FRZB: variants seen among roughly 807,000 people sequenced by gnomAD.
The protein encoded by FRZB is secreted frizzled-related protein 3.
FRZB carries 34 observed loss-of-function variants against 32.5 expected under a neutral mutation model. The observed-to-expected ratio is 1.05, with a 90% confidence interval of 0.80 to 1.39. FRZB has a LOEUF of 1.39. FRZB is among the 40% of genes most tolerant of loss of function. The probability of loss-of-function intolerance (pLI) is 0.00; values close to 1 mark genes in which losing one functional copy is unlikely to be tolerated. For missense variants in FRZB, 423 were observed against 424.8 expected (o/e 1.00, Z 0.04); for synonymous variants, 170 against 159.2 (o/e 1.07, Z -0.51).
intron 2 of FRZB, among the ~76,000 whole-genome samples, chr2:182,846,335 T>C (rs1195739026): frequency 2.0e-5 from 3 of 152,188 alleles, no homozygotes; most frequent in Admixed American, 2.0e-4. Context: ...TCCAGAGGTG[T>C]AAGACTATAA....
At chr2:182,849,196 C>A (rs1695682621) in intron 2 of FRZB, among the ~76,000 whole-genome samples, 1 of 151,702 alleles carries the variant, frequency 6.6e-6, no homozygotes, top group Non-Finnish European at 1.5e-5. Flanking sequence ...CACTGCACTC[C>A]AGCCTGGGCG....
At chr2:182,847,027 C>A (rs1695650966) in intron 2 of FRZB, among the ~76,000 whole-genome samples, 1 of 152,150 alleles carries the variant, frequency 6.6e-6, no homozygotes, top group South Asian at 2.1e-4. Flanking sequence ...TTCATTCATT[C>A]TGCAAATATT....
chr2:182,849,631 T>C (rs1268556530), intron 2 of FRZB, among the ~76,000 whole-genome samples: 1 of 152,188 alleles, frequency 6.6e-6, no homozygotes, highest in Non-Finnish European at 1.5e-5. Context: ...AAAAGTAACA[T>C]TTGCTCAACT....
chr2:182,849,211 A>T (rs1695683081), intron 2 of FRZB, among the ~76,000 whole-genome samples: 1 of 151,688 alleles, frequency 6.6e-6, no homozygotes, highest in African/African-American at 2.4e-5. Context: ...TGGGCGACAG[A>T]GCAAGACTCC....
At chr2:182,844,452 A>G (rs1695618197) in intron 2 of FRZB, among the ~76,000 whole-genome samples, 1 of 152,202 alleles carries the variant, frequency 6.6e-6, no homozygotes, top group Non-Finnish European at 1.5e-5. Flanking sequence ...CTGAAGACGT[A>G]AATTTTATGG....
At chr2:182,838,326 G>C (rs535275347) in intron 4 of FRZB, 83 bp downstream of exon 4, 3 of 1,147,384 alleles carry the variant, frequency 2.6e-6, no homozygotes, top group East Asian at 4.7e-5. Flanking sequence ...ATGTAAAAAT[G>C]CGAGGGTAGC....
chr2:182,837,071 C>T (rs1437260822), intron 5 of FRZB, among the ~76,000 whole-genome samples: 1 of 151,716 alleles, frequency 6.6e-6, no homozygotes, highest in Non-Finnish European at 1.5e-5. Context: ...GGTACAGTTC[C>T]CACTCCCCCC....
At chr2:182,840,813 A>T (rs1175885519) in intron 3 of FRZB, among the ~76,000 whole-genome samples, 2 of 152,094 alleles carry the variant, frequency 1.3e-5, no homozygotes, top group Non-Finnish European at 2.9e-5. Context: ...TTTCTCTAAG[A>T]CCTTCACTTT....
Position 182,866,004 on chromosome 2 carries a change from G to C in FRZB, c.478+71C>G, listed in dbSNP as rs991248617. The C allele has an allele frequency of 8.3e-6, 10 of 1,200,494 alleles. No homozygotes were observed. In the African/African-American group the frequency reaches 1.4e-4, roughly 16 times the overall value. 74.4% of individuals were successfully genotyped at this position (1,200,494 alleles called of 1,614,324 possible). ...AAGAGAAAAAAATTAGAGAGTAAAG[G>C]CTAGTAACAAGGACTCCAAGAATTG... On this transcript the variant is annotated intron_variant, in intron 1 of 5. Transcript: ENST00000295113. This position sits in a 1 kb window ranked among gnomAD's most constrained non-coding sequence, Gnocchi z 4.5.
intron 2 of FRZB, among the ~76,000 whole-genome samples, chr2:182,855,906 G>C (rs889002108): frequency 6.6e-6 from 1 of 151,950 alleles, no homozygotes; most frequent in African/African-American, 2.4e-5. Flanking sequence ...AAAGAAAACT[G>C]ATGTATTACT....
chr2:182,835,271 G>C (rs1695511290), intron 5 of FRZB, among the ~76,000 whole-genome samples: 1 of 151,990 alleles, frequency 6.6e-6, no homozygotes, highest in Non-Finnish European at 1.5e-5. Flanking sequence ...GGTATTTCCT[G>C]AGGTAACATA....
chr2:182,837,780 A>C (rs529050657), intron 5 of FRZB, among the ~76,000 whole-genome samples, 168 bp downstream of exon 5: 191 of 152,154 alleles, frequency 1.3e-3, no homozygotes, highest in African/African-American at 4.4e-3. Flanking sequence ...TAAATAAAAT[A>C]GACATTAAAG....
chr2:182,858,397 C>A (rs1436966011), intron 2 of FRZB, among the ~76,000 whole-genome samples: 4 of 151,980 alleles, frequency 2.6e-5, no homozygotes, highest in Non-Finnish European at 5.9e-5. Context: ...TATGGACAAT[C>A]GAACCTCAAA....
chr2:182,850,700 A>G (rs1695700738), intron 2 of FRZB, among the ~76,000 whole-genome samples: 1 of 152,226 alleles, frequency 6.6e-6, no homozygotes, highest in Non-Finnish European at 1.5e-5. Flanking sequence ...GAATACAGAT[A>G]TTCTTCAATG....
intron 2 of FRZB, 99 bp from the exon 3 acceptor site, chr2:182,842,642 T>C (rs1423850438): frequency 7.1e-6 from 6 of 840,118 alleles, no homozygotes; most frequent in Non-Finnish European, 1.2e-5. Context: ...CTCAATTTGG[T>C]GGTGAGAAGG....
intron 1 of FRZB, among the ~76,000 whole-genome samples, chr2:182,865,491 C>T (rs769971925): frequency 1.3e-5 from 2 of 152,184 alleles, no homozygotes; most frequent in Admixed American, 6.5e-5. Context: ...AAGGTAATTG[C>T]TCAAACTGGA....
At position 182,834,762 on chromosome 2, in the gene FRZB, G is replaced by T; in HGVS notation, c.*87C>A. The T allele has an allele frequency of 1.2e-6, 1 of 857,034 alleles. No individual in the cohort carries two copies. Among genetic ancestry groups the T allele is most frequent in the Admixed American group, 1.7e-5 (1 of 58,676 alleles). The allele number at this position is 857,034 out of a possible 1,614,324, so 53.1% of individuals were successfully genotyped here. Reference sequence around the variant, plus strand: ...TATAGTAAACAATAGAATATGATGTGCAATAGTGCAATTTTCCTTTGCTAG... The same window carrying T: ...TATAGTAAACAATAGAATATGATGTTCAATAGTGCAATTTTCCTTTGCTAG... On this transcript the variant is annotated 3_prime_UTR_variant, in exon 6 of 6. Transcript: ENST00000295113.
At chr2:182,858,708 G>A in intron 2 of FRZB, 78 bp downstream of exon 2, 2 of 1,023,856 alleles carry the variant, frequency 2.0e-6, no homozygotes, top group South Asian at 1.8e-5. Flanking sequence ...GCTTCCCCAT[G>A]AATGACTTAA....
chr2:182,852,828 A>G (rs1695724761), intron 2 of FRZB, among the ~76,000 whole-genome samples: 1 of 152,246 alleles, frequency 6.6e-6, no homozygotes, highest in African/African-American at 2.4e-5. Flanking sequence ...AGTAAAACGT[A>G]CAGTTGGATG....
Sources: gnomAD v4.1 joint callset for allele counts (sites outside exome capture counted in the v4.1 genomes callset) on GRCh38, gnomAD v4.1.1 for gene constraint, Gnocchi (gnomAD v3.1) non-coding constraint, MANE v1.5 for transcripts, NCBI Gene and HGNC (gene_info 2026-07-23, HGNC 2026-07-21) for gene names.